The following MAP4K4 variants were observed in gnomAD, a reference collection of about 807,000 sequenced individuals.
The protein encoded by MAP4K4 is mitogen-activated protein kinase kinase kinase kinase 4.
Under a neutral mutation model 189.6 loss-of-function variants are expected in MAP4K4, and 38 were observed. The ratio of observed to expected loss-of-function variants is 0.20; its 90% CI spans 0.15 to 0.26. MAP4K4 has a LOEUF of 0.26. MAP4K4 is among the 10% of genes least tolerant of loss of function. MAP4K4 has a pLI of 1.00. For synonymous variants in MAP4K4, 610 were observed against 624.3 expected, an observed-to-expected ratio of 0.98 and a Z score of 0.34; for missense variants, 1,054 against 1,726.9, an observed-to-expected ratio of 0.61 and a Z score of 6.91.
chr2:101,726,050 G>A (rs565014356), intron 2 of MAP4K4, among the ~76,000 whole-genome samples: 2 of 152,250 alleles, frequency 1.3e-5, no homozygotes, highest in Non-Finnish European at 2.9e-5. Context: ...TAGCTTCACC[G>A]CTTCCTCAGG....
intron 2 of MAP4K4, among the ~76,000 whole-genome samples, chr2:101,722,812 CG>C (rs1249372588): frequency 6.6e-6 from 1 of 152,198 alleles, no homozygotes; most frequent in South Asian, 2.1e-4. Flanking sequence ...ATGTTCTCTA[CG>C]TTGTACATAA....
At chr2:101,714,808 GCTGCAGTCCACTT>G (rs1390413164) in intron 2 of MAP4K4, among the ~76,000 whole-genome samples, 2 of 152,062 alleles carry the variant, frequency 1.3e-5, no homozygotes, top group Admixed American at 6.6e-5. Context: ...TGTTCCATAG[GCTGCAGTCCACTT>G]CGGGAATCAT....
chr2:101,751,597 A>T (rs1574892965), intron 2 of MAP4K4, among the ~76,000 whole-genome samples: 2 of 152,356 alleles, frequency 1.3e-5, no homozygotes, highest in East Asian at 3.9e-4. Flanking sequence ...AAAGAAATGC[A>T]TGGCCTCTGC....
intron 2 of MAP4K4, among the ~76,000 whole-genome samples, chr2:101,762,253 AG>A (rs1274977599): frequency 6.6e-6 from 1 of 152,248 alleles, no homozygotes. Flanking sequence ...AGAAATCCTC[AG>A]TAAGAGAATA....
At chr2:101,698,100 C>A in exon 1 of MAP4K4, 1 of 1,320,294 alleles carries the variant, frequency 7.6e-7, no homozygotes, top group Non-Finnish European at 1.0e-6. Flanking sequence ...GACTCCCCTG[C>A]AAAAAGTCTG....
chr2:101,866,716 A>G (rs944291339), intron 19 of MAP4K4, 137 bp downstream of exon 19: 7 of 1,088,172 alleles, frequency 6.4e-6, no homozygotes, highest in Non-Finnish European at 7.8e-6. Context: ...GCTAGTGACA[A>G]TAATAGTCAT....
At chr2:101,858,002 A>G (rs1576887604) in intron 13 of MAP4K4, among the ~76,000 whole-genome samples, 1 of 152,216 alleles carries the variant, frequency 6.6e-6, no homozygotes, top group Non-Finnish European at 1.5e-5. Context: ...TCCCTGTCCA[A>G]AAAAAGGAAG....
At chr2:101,834,182 T>G in intron 7 of MAP4K4, among the ~76,000 whole-genome samples, 2 of 122,306 alleles carry the variant, frequency 1.6e-5, no homozygotes, top group South Asian at 3.3e-4. Flanking sequence ...TTCCCTCCCT[T>G]CCCTCCCTCC....
At chr2:101,699,147 A>G (rs1232142863) in intron 2 of MAP4K4, among the ~76,000 whole-genome samples, 1 of 152,234 alleles carries the variant, frequency 6.6e-6, no homozygotes, top group African/African-American at 2.4e-5. Flanking sequence ...TCTGAATTCC[A>G]GGAATAACCT....
chr2:101,844,649 T>C (rs1412123016), intron 12 of MAP4K4, among the ~76,000 whole-genome samples: 1 of 152,222 alleles, frequency 6.6e-6, no homozygotes, highest in Non-Finnish European at 1.5e-5. Flanking sequence ...TAAGTTGGCT[T>C]GCTCAGGATT....
At chr2:101,845,518 T>C (rs1361615429) in intron 12 of MAP4K4, among the ~76,000 whole-genome samples, 1 of 152,212 alleles carries the variant, frequency 6.6e-6, no homozygotes, top group African/African-American at 2.4e-5. Flanking sequence ...GCACCTAGAC[T>C]ATGTGGTGTG....
chr2:101,797,889 G>GTTTTT lies in MAP4K4; in HGVS notation c.180+7130_180+7134dup, dbSNP rs58201235. ...TGAAGCTTTTTAAAACATTCTTTTA[G>GTTTTT]TTTTTTTTTTTTTTTTTTTTTGGAG... is the stretch of plus-strand genomic sequence containing the variant. On this transcript the variant is annotated intron_variant, in intron 3 of 32. Coordinates refer to ENST00000324219, the Ensembl canonical transcript of MAP4K4. Among the ~76,000 whole-genome samples, 302 of 52,000 alleles carry GTTTTT rather than the reference G, an allele frequency of 5.8e-3. 18 individuals are homozygous for GTTTTT. The highest frequency in any genetic ancestry group is 0.016 in the Middle Eastern group (1 of 64). The allele number at this position is 52,000 out of a possible 152,430, so 34.1% of individuals were successfully genotyped here.
intron 2 of MAP4K4, among the ~76,000 whole-genome samples, chr2:101,781,677 T>C (rs2087567841): frequency 6.6e-6 from 1 of 152,168 alleles, no homozygotes; most frequent in South Asian, 2.1e-4. Flanking sequence ...CTCCCAACAC[T>C]GTTGCATTGG....
chr2:101,708,896 C>T (rs1442784984), intron 2 of MAP4K4, among the ~76,000 whole-genome samples: 4 of 152,124 alleles, frequency 2.6e-5, no homozygotes, highest in Admixed American at 1.3e-4. Flanking sequence ...TTTTGAGGTT[C>T]GACCATGTAG....
chr2:101,736,677 C>T (rs1327105412), intron 2 of MAP4K4, among the ~76,000 whole-genome samples: 1 of 152,170 alleles, frequency 6.6e-6, no homozygotes, highest in Admixed American at 6.5e-5. Context: ...TACAAGTAAG[C>T]CCCTTTGCAG....
chr2:101,863,680 T>A (rs780082048), intron 16 of MAP4K4, 141 bp from the exon 17 acceptor site: 34 of 449,202 alleles, frequency 7.6e-5, no homozygotes, highest in Non-Finnish European at 1.3e-4. Context: ...TGTAACTGTT[T>A]CACTGCGTGG....
intron 15 of MAP4K4, 166 bp downstream of exon 15, chr2:101,860,030 C>T (rs2097589902): frequency 2.8e-6 from 2 of 715,446 alleles, no homozygotes; most frequent in East Asian, 5.4e-5. Flanking sequence ...GAGGGCCTTG[C>T]CCAAGGTTTC....
intron 2 of MAP4K4, among the ~76,000 whole-genome samples, chr2:101,748,037 A>G (rs1179956844): frequency 6.6e-6 from 1 of 152,210 alleles, no homozygotes; most frequent in Non-Finnish European, 1.5e-5. Flanking sequence ...TTGATGTGCT[A>G]TATCAGTTGT....
intron 3 of MAP4K4, chr2:101,797,440 C>G: frequency 7.9e-7 from 1 of 1,260,750 alleles, no homozygotes; most frequent in South Asian, 1.3e-5. Flanking sequence ...GCACCGCCCC[C>G]TCCCTCCTTA....
Sources: allele counts gnomAD v4.1 joint callset (sites outside exome capture counted in the v4.1 genomes callset), GRCh38; gene constraint gnomAD v4.1.1; transcripts MANE v1.5; gene names NCBI Gene and HGNC (gene_info 2026-07-23, HGNC 2026-07-21).